Variants in KMT2C observed in about 807,000 individuals in gnomAD.
KMT2C encodes lysine methyltransferase 2C, also known as histone-lysine N-methyltransferase 2C.
A neutral mutation model predicts 507.9 loss-of-function variants in KMT2C; 88 were observed. The observed-to-expected ratio is 0.17, with a 90% CI of 0.15 to 0.21. The LOEUF (loss-of-function observed/expected upper bound fraction) is 0.21, where lower values mean the gene tolerates loss of function less well. Ranked by LOEUF, KMT2C falls within the 10% of genes least tolerant of loss-of-function variation. KMT2C has a pLI of 1.00. For missense variants in KMT2C, 4,954 were observed against 5,957.8 expected (o/e 0.83, Z 5.55); for synonymous variants, 2,049 against 2,080.8 (o/e 0.98, Z 0.42).
chr7:152,322,106 G>A (rs148764111), intron 3 of KMT2C, among the ~76,000 whole-genome samples: 28 of 150,896 alleles, frequency 1.9e-4, no homozygotes, highest in African/African-American at 6.8e-4. Flanking sequence ...GTTCACACTT[G>A]TAATGCCAGC....
intron 1 of KMT2C, among the ~76,000 whole-genome samples, chr7:152,379,825 G>A (rs2097356665): frequency 6.6e-6 from 1 of 152,310 alleles, no homozygotes; most frequent in Non-Finnish European, 1.5e-5. Context: ...GCAGGGCACA[G>A]TGGCCCATGC....
In KMT2C at chr7:152,235,207, GTA is replaced by G. The variant is rs71533554; in HGVS notation, c.2769+608_2769+609del. ...TGATTGTGGTATCGTTTTCAAGGGT[GTA>G]TATATATATATATATCAAAGCTTAT... On this transcript the variant is annotated intron_variant, in intron 16 of 58. Coordinates refer to ENST00000262189, the MANE Select transcript of KMT2C (RefSeq NM_170606.3). 2.0e-4 allele frequency among the ~76,000 whole-genome samples: 28 copies of G among 142,174 alleles called. 1 individual carries two copies. Among genetic ancestry groups the G allele is most frequent in the African/African-American group, 3.5e-4 (13 of 36,686 alleles). 93.3% of individuals were successfully genotyped at this position (142,174 alleles called of 152,430 possible). A position where few individuals can be genotyped will look rare whatever the true frequency, so the allele number is the denominator to read the frequency against.
intron 7 of KMT2C, among the ~76,000 whole-genome samples, chr7:152,267,763 T>G (rs1178824937): frequency 6.6e-6 from 1 of 152,140 alleles, no homozygotes; most frequent in Non-Finnish European, 1.5e-5. Flanking sequence ...ACTCCACCAA[T>G]ACCTCATTTT....
intron 37 of KMT2C, 85 bp downstream of exon 37, chr7:152,179,748 AG>A: frequency 1.6e-6 from 2 of 1,240,076 alleles, no homozygotes; most frequent in East Asian, 5.1e-5. Context: ...GCTAGTAGCT[AG>A]GATTACAGGC....
At chr7:152,216,920 CA>C (rs2094598984) in intron 23 of KMT2C, among the ~76,000 whole-genome samples, 1 of 152,194 alleles carries the variant, frequency 6.6e-6, no homozygotes, top group South Asian at 2.1e-4. Context: ...TGGGAAGAGC[CA>C]GTGCTGGGTG....
At chr7:152,278,912 G>A (rs368975828) in intron 6 of KMT2C, among the ~76,000 whole-genome samples, 5,312 of 104,040 alleles carry the variant, frequency 0.051, no homozygotes, top group African/African-American at 0.13. Flanking sequence ...AGGATATTAA[G>A]TAGATATGAA....
chr7:152,367,518 A>G (rs1235731651), intron 1 of KMT2C: 21 of 1,077,358 alleles, frequency 1.9e-5, no homozygotes, highest in Non-Finnish European at 2.7e-5. Flanking sequence ...TTACCCAGAG[A>G]GGCGAACCTG....
At chr7:152,294,571 T>C (rs1331648853) in intron 6 of KMT2C, among the ~76,000 whole-genome samples, 3 of 151,610 alleles carry the variant, frequency 2.0e-5, no homozygotes, top group Non-Finnish European at 2.9e-5. Context: ...CAGTATACTA[T>C]CATTACATGT....
chr7:152,197,484 T>C (rs1218482884), intron 27 of KMT2C, among the ~76,000 whole-genome samples: 3 of 152,212 alleles, frequency 2.0e-5, no homozygotes, highest in Admixed American at 1.3e-4. Flanking sequence ...GTAATTCATA[T>C]GTAACATATC....
chr7:152,150,881 G>A lies in KMT2C; in HGVS notation c.12774+19C>T, dbSNP rs767300474. On this transcript the variant is annotated intron_variant, in intron 51 of 58. Transcript: ENST00000262189. ...CACTCGTTACACATTGTTATCAGCT[G>A]AGATTATCCTAATCTCACCTTGTTT... 2.9e-5 allele frequency: 44 copies of A among 1,505,066 alleles called. No individual in the cohort carries two copies. In the East Asian group the frequency reaches 9.9e-4, roughly 34 times the overall value. The allele number at this position is 1,505,066 out of a possible 1,614,324, so 93.2% of individuals were successfully genotyped here.
intron 1 of KMT2C, among the ~76,000 whole-genome samples, chr7:152,385,973 A>G (rs1048610024): frequency 1.2e-4 from 18 of 151,908 alleles, no homozygotes; most frequent in Non-Finnish European, 2.4e-4. Context: ...CTATAATACC[A>G]GCTACTTGGG....
At chr7:152,322,041 T>C (rs1056625303) in intron 3 of KMT2C, among the ~76,000 whole-genome samples, 2 of 150,750 alleles carry the variant, frequency 1.3e-5, no homozygotes, top group Non-Finnish European at 3.0e-5. Flanking sequence ...GTAATCAAAA[T>C]AGTATGGTAC....
At chr7:152,364,629 A>AAAAAAAG (rs1554679999) in intron 1 of KMT2C, among the ~76,000 whole-genome samples, 9 of 147,766 alleles carry the variant, frequency 6.1e-5, no homozygotes, top group African/African-American at 2.3e-4. Flanking sequence ...AAGAAAAGAA[A>AAAAAAAG]AAAAGAAAAA....
chr7:152,140,409 G>A (rs1049192638), intron 55 of KMT2C, among the ~76,000 whole-genome samples: 1 of 152,218 alleles, frequency 6.6e-6, no homozygotes, highest in African/African-American at 2.4e-5. Flanking sequence ...GGCTGAAATG[G>A]AAGCAGCTCT....
intron 9 of KMT2C, among the ~76,000 whole-genome samples, chr7:152,261,981 A>G (rs1207930616): frequency 6.6e-6 from 1 of 151,588 alleles, no homozygotes; most frequent in Non-Finnish European, 1.5e-5. Flanking sequence ...TCCCCCCAGG[A>G]GAGAAAGCCC....
At chr7:152,264,645 T>C (rs1489535274) in intron 8 of KMT2C, among the ~76,000 whole-genome samples, 8 of 152,124 alleles carry the variant, frequency 5.3e-5, no homozygotes, top group African/African-American at 1.9e-4. Context: ...TTAAATCCTA[T>C]TAAATCTCCT....
At chr7:152,431,218 T>C (rs1422115443) in intron 1 of KMT2C, among the ~76,000 whole-genome samples, 1 of 152,192 alleles carries the variant, frequency 6.6e-6, no homozygotes, top group Non-Finnish European at 1.5e-5. Context: ...TAAGTTTACA[T>C]ATTAGTAACT....
chr7:152,340,484 G>A (rs184759336), intron 2 of KMT2C, among the ~76,000 whole-genome samples: 40 of 152,226 alleles, frequency 2.6e-4, no homozygotes, highest in African/African-American at 8.9e-4. Context: ...ATTGAATCTA[G>A]TGTATCCAAT....
chr7:152,342,205 T>A (rs932690619), intron 2 of KMT2C, among the ~76,000 whole-genome samples: 1 of 152,190 alleles, frequency 6.6e-6, no homozygotes, highest in Admixed American at 6.5e-5. Flanking sequence ...GACCAGAAGA[T>A]AATCTAAGAT....
Sources: gnomAD v4.1 joint callset for allele counts (sites outside exome capture counted in the v4.1 genomes callset) on GRCh38, gnomAD v4.1.1 for gene constraint, MANE v1.5 for transcripts, NCBI Gene and HGNC (gene_info 2026-07-23, HGNC 2026-07-21) for gene names.